Variants in EYA1 observed in about 807,000 individuals in gnomAD.
EYA1 encodes the protein protein phosphatase EYA1.
A neutral mutation model predicts 82.0 loss-of-function variants in EYA1; 16 were observed. The observed-to-expected ratio is 0.20, with a 90% CI of 0.13 to 0.30. EYA1 has a LOEUF of 0.30. Among genes scored for constraint, EYA1 ranks in the 10% least tolerant of loss-of-function variants. The pLI is 1.00. For synonymous variants in EYA1, 261 were observed against 264.4 expected, an observed-to-expected ratio of 0.99 and a Z score of 0.12; for missense variants, 633 against 730.7, an observed-to-expected ratio of 0.87 and a Z score of 1.54.
intron 2 of EYA1, among the ~76,000 whole-genome samples, chr8:71,429,063 T>C (rs1018707580): frequency 2.0e-5 from 3 of 152,154 alleles, no homozygotes; most frequent in Non-Finnish European, 2.9e-5. Context: ...TCACCTTCTA[T>C]AGGAGGAAAA....
intron 12 of EYA1, among the ~76,000 whole-genome samples, chr8:71,235,213 A>G (rs563311890): frequency 4.5e-4 from 67 of 147,952 alleles, no homozygotes; most frequent in Non-Finnish European, 9.4e-4. Context: ...TGATGTTTTA[A>G]AAGTGTAAAC....
chr8:71,264,579 A>AT (rs35415877), intron 11 of EYA1, among the ~76,000 whole-genome samples: 336 of 142,388 alleles, frequency 2.4e-3, no homozygotes, highest in East Asian at 6.1e-3. Context: ...GAGCAATTCA[A>AT]TTTTTTTTTT....
chr8:71,467,734 T>C (rs1055057931), intron 2 of EYA1, among the ~76,000 whole-genome samples: 1 of 152,162 alleles, frequency 6.6e-6, no homozygotes, highest in Non-Finnish European at 1.5e-5. Context: ...GCAGAAATGA[T>C]ACATGATTAT....
chr8:71,320,763 A>T (rs1822450878), intron 6 of EYA1, among the ~76,000 whole-genome samples: 1 of 152,124 alleles, frequency 6.6e-6, no homozygotes, highest in African/African-American at 2.4e-5. Flanking sequence ...TCTAATTATT[A>T]ATGAAATACT....
chr8:71,323,620 G>T (rs528757814), intron 4 of EYA1, among the ~76,000 whole-genome samples: 1 of 152,198 alleles, frequency 6.6e-6, no homozygotes, highest in Non-Finnish European at 1.5e-5. Flanking sequence ...CTGGCTGGCC[G>T]CTTGGCAGAG....
intron 9 of EYA1, among the ~76,000 whole-genome samples, chr8:71,283,307 C>A (rs1196130153): frequency 6.6e-6 from 1 of 152,190 alleles, no homozygotes; most frequent in East Asian, 1.9e-4. Context: ...TCAAGTGTCA[C>A]CCGATGGACA....
At chr8:71,306,573 A>G (rs968950463) in intron 7 of EYA1, among the ~76,000 whole-genome samples, 2 of 152,122 alleles carry the variant, frequency 1.3e-5, no homozygotes, top group Non-Finnish European at 2.9e-5. Flanking sequence ...GCTGTTGCCT[A>G]CAGCTCCCCA....
intron 3 of EYA1, among the ~76,000 whole-genome samples, chr8:71,337,598 TA>T (rs1222776258): frequency 6.6e-6 from 1 of 152,210 alleles, no homozygotes; most frequent in Admixed American, 6.5e-5. Context: ...TAAGACTTTC[TA>T]AAAGTGATTT....
intron 9 of EYA1, among the ~76,000 whole-genome samples, chr8:71,276,359 C>T (rs1817173317): frequency 6.6e-6 from 1 of 152,078 alleles, no homozygotes; most frequent in Admixed American, 6.6e-5. Context: ...TTAATTGATG[C>T]CCTCCAAGCT....
At chr8:71,424,866 CT>C (rs879335943) in intron 2 of EYA1, among the ~76,000 whole-genome samples, 2 of 151,962 alleles carry the variant, frequency 1.3e-5, no homozygotes, top group Non-Finnish European at 2.9e-5. Context: ...CATCAGGCTC[CT>C]AGTAAGAATA....
chr8:71,491,761 C>T (rs1811012155), intron 2 of EYA1, among the ~76,000 whole-genome samples: 2 of 152,168 alleles, frequency 1.3e-5, no homozygotes, highest in South Asian at 4.1e-4. Context: ...CCCTCAGAGC[C>T]ACAGTAAAAC....
intron 2 of EYA1, among the ~76,000 whole-genome samples, chr8:71,424,117 G>A (rs77252790): frequency 0.03 from 4,631 of 152,140 alleles, 231 homozygotes; most frequent in African/African-American, 0.1. Context: ...AATATTCACC[G>A]TCTGTCACAG....
chr8:71,256,764 C>A (rs1290688685), intron 11 of EYA1, among the ~76,000 whole-genome samples: 1 of 152,116 alleles, frequency 6.6e-6, no homozygotes, highest in African/African-American at 2.4e-5. Context: ...CTTTGGGAGG[C>A]CAAGGTGGGT....
chr8:71,534,662 A>G (rs1432910123), intron 2 of EYA1, among the ~76,000 whole-genome samples: 1 of 152,162 alleles, frequency 6.6e-6, no homozygotes, highest in East Asian at 1.9e-4. Flanking sequence ...ACAGAAAACG[A>G]AACACTGCAT....
intron 2 of EYA1, among the ~76,000 whole-genome samples, chr8:71,500,838 C>T (rs989069633): frequency 2.0e-5 from 3 of 151,998 alleles, no homozygotes; most frequent in African/African-American, 7.2e-5. Context: ...AGGTAAAAGA[C>T]CTTTAAAAGC....
At chr8:71,483,206 C>T (rs1349956380) in intron 2 of EYA1, among the ~76,000 whole-genome samples, 2 of 152,276 alleles carry the variant, frequency 1.3e-5, no homozygotes, top group East Asian at 3.9e-4. Flanking sequence ...TGTCCCAGGG[C>T]CTCTGCCCTG....
intron 12 of EYA1, among the ~76,000 whole-genome samples, chr8:71,222,359 C>G (rs1452685932): frequency 6.6e-6 from 1 of 152,166 alleles, no homozygotes; most frequent in Admixed American, 6.5e-5. Flanking sequence ...CGATTATCCT[C>G]CACTAGAAAA....
intron 2 of EYA1, among the ~76,000 whole-genome samples, chr8:71,499,075 G>A (rs765233738): frequency 4.6e-5 from 7 of 152,164 alleles, no homozygotes; most frequent in African/African-American, 1.2e-4. Flanking sequence ...CTCAATCAAC[G>A]AGGGTGTGTC....
chr8:71,494,750 T>A (rs1008755256), intron 2 of EYA1, among the ~76,000 whole-genome samples: 3 of 152,236 alleles, frequency 2.0e-5, no homozygotes, highest in Middle Eastern at 3.4e-3. Flanking sequence ...CTGCTTTAAG[T>A]CAAGCATTTA....
Sources: allele counts gnomAD v4.1 joint callset (sites outside exome capture counted in the v4.1 genomes callset), GRCh38; gene constraint gnomAD v4.1.1; transcripts MANE v1.5; gene names NCBI Gene and HGNC (gene_info 2026-07-23, HGNC 2026-07-21).